KIAA1217: variants seen among roughly 807,000 people sequenced by gnomAD.
The protein encoded by KIAA1217 is sickle tail protein homolog.
KIAA1217 carries 88 observed loss-of-function variants against 163.9 expected under a neutral mutation model. The ratio of observed to expected loss-of-function variants is 0.54; its 90% CI spans 0.45 to 0.64. KIAA1217 has a LOEUF of 0.64. Ranked by LOEUF, KIAA1217 falls within the 30% of genes least tolerant of loss-of-function variation. KIAA1217 has a pLI of 0.00. For synonymous variants in KIAA1217, 903 were observed against 923.1 expected (o/e 0.98, Z 0.39); for missense variants, 2,372 against 2,475.0 (o/e 0.96, Z 0.88).
At chr10:24,035,936 G>A (rs1008621384) in intron 2 of KIAA1217, among the ~76,000 whole-genome samples, 3 of 152,206 alleles carry the variant, frequency 2.0e-5, no homozygotes, top group Non-Finnish European at 2.9e-5. Flanking sequence ...CCCAGCTATG[G>A]ATGGAAGGAG....
intron 1 of KIAA1217, among the ~76,000 whole-genome samples, chr10:23,888,465 G>T (rs981668472): frequency 5.5e-4 from 84 of 151,894 alleles, no homozygotes; most frequent in African/African-American, 2.0e-3. Context: ...TCAACTATCT[G>T]GATTTTGAAA....
chr10:24,017,342 G>A (rs1286158697), intron 2 of KIAA1217, among the ~76,000 whole-genome samples: 1 of 152,098 alleles, frequency 6.6e-6, no homozygotes, highest in Non-Finnish European at 1.5e-5. Context: ...TTGCAGGCAT[G>A]AGCCACCGTG....
chr10:24,190,742 C>A (rs1795222439), intron 2 of KIAA1217, among the ~76,000 whole-genome samples: 1 of 152,142 alleles, frequency 6.6e-6, no homozygotes, highest in Admixed American at 6.5e-5. Context: ...TTGGCACCTA[C>A]TCCAGGAAAT....
At chr10:24,196,136 A>AACACACACACACACACACACAC (rs66954103) in intron 2 of KIAA1217, among the ~76,000 whole-genome samples, 8 of 144,236 alleles carry the variant, frequency 5.5e-5, no homozygotes, top group African/African-American at 2.1e-4. Flanking sequence ...CCTGTCTCAA[A>AACACACACACACACACACACAC]ACACACACAC....
intron 1 of KIAA1217, among the ~76,000 whole-genome samples, chr10:23,712,908 G>T (rs566364574): frequency 6.6e-6 from 1 of 151,968 alleles, no homozygotes; most frequent in South Asian, 2.1e-4. Flanking sequence ...AGTTTTAATT[G>T]CCTCTTAAGA....
At chr10:24,374,950 A>G (rs55892925) in intron 2 of KIAA1217, among the ~76,000 whole-genome samples, 16,989 of 152,032 alleles carry the variant, frequency 0.11, 1,089 homozygotes, top group South Asian at 0.3. Flanking sequence ...ACACCTGGCT[A>G]ATTTTTTAAT....
chr10:23,770,830 T>A (rs1834763750), intron 1 of KIAA1217, among the ~76,000 whole-genome samples: 1 of 152,188 alleles, frequency 6.6e-6, no homozygotes, highest in Non-Finnish European at 1.5e-5. Context: ...TGGAACTCAA[T>A]GAAATGGGGG....
intron 2 of KIAA1217, chr10:24,239,188 A>T: frequency 1.0e-6 from 1 of 985,366 alleles, no homozygotes; most frequent in Non-Finnish European, 1.2e-6. Context: ...TCACTGGGAA[A>T]AACTGCAAAA....
intron 1 of KIAA1217, among the ~76,000 whole-genome samples, chr10:23,940,906 A>G (rs1351125935): frequency 2.0e-5 from 3 of 152,268 alleles, no homozygotes; most frequent in Non-Finnish European, 4.4e-5. Flanking sequence ...GACTACTGTC[A>G]TAACATTTCA....
intron 1 of KIAA1217, among the ~76,000 whole-genome samples, chr10:23,974,893 A>G (rs1199880520): frequency 6.9e-6 from 1 of 143,888 alleles, no homozygotes; most frequent in Non-Finnish European, 1.5e-5. Context: ...TCCCCCCCCC[A>G]TAGATAGGCA....
chr10:24,520,108 T>C lies in KIAA1217; in HGVS notation c.2178-15T>C, dbSNP rs2070864153. 6.2e-7 allele frequency: 1 copy of C among 1,612,866 alleles called. No individual in the cohort carries two copies. The highest frequency in any genetic ancestry group is 8.5e-7 in the Non-Finnish European group (1 of 1,179,330). ...TCGTGTTCAGCTCTATGTGCTGGTG[T>C]CCTTGCTCCCGCAGCGAGTTGGAAG... On this transcript the variant is annotated splice_polypyrimidine_tract_variant and intron_variant, in intron 10 of 20. Transcript: ENST00000376454.
At chr10:24,026,742 A>ATTTTTTTTTTTTTTTTTTTG (rs1847957115) in intron 2 of KIAA1217, among the ~76,000 whole-genome samples, 1 of 70,094 alleles carries the variant, frequency 1.4e-5, no homozygotes, top group African/African-American at 5.9e-5. Flanking sequence ...TATTTCATTG[A>ATTTTTTTTTTTTTTTTTTTG]TTTTTTTTTT....
At chr10:24,427,334 G>C (rs982058843) in intron 3 of KIAA1217, among the ~76,000 whole-genome samples, 3 of 152,020 alleles carry the variant, frequency 2.0e-5, no homozygotes, top group Admixed American at 2.0e-4. Context: ...TCAAGCAGAT[G>C]GTCAGCCTAA....
At chr10:24,461,587 C>T (rs1316633811) in intron 5 of KIAA1217, among the ~76,000 whole-genome samples, 10 of 152,108 alleles carry the variant, frequency 6.6e-5, no homozygotes, top group Admixed American at 5.9e-4. Context: ...AACTCCTGGC[C>T]TCAGGTGATC....
At chr10:24,332,194 G>C (rs2045767855) in intron 2 of KIAA1217, among the ~76,000 whole-genome samples, 1 of 152,226 alleles carries the variant, frequency 6.6e-6, no homozygotes, top group Non-Finnish European at 1.5e-5. Context: ...GGGAGAGTAA[G>C]AGAAATGAGG....
At position 24,544,063 on chromosome 10, in the gene KIAA1217, AG is replaced by A; in HGVS notation, c.4794del (p.Thr1599LeufsTer5). The part of the protein sequence containing the change: ...AIRTGTKTGK[K>X]TLQVVVYEEE... Reference sequence around the variant, plus strand: ...CGCACCGGAACTAAAACAGGGAAGAAGACTTTGCAAGTGGTAGTCTATGAAG... The same window carrying A: ...CGCACCGGAACTAAAACAGGGAAGAAACTTTGCAAGTGGTAGTCTATGAAG... On this transcript the variant is annotated frameshift_variant, in exon 19 of 21. Coordinates refer to ENST00000376454, the MANE Select transcript of KIAA1217 (RefSeq NM_019590.5). LOFTEE classifies it high-confidence loss of function. The A allele has an allele frequency of 6.2e-7, 1 of 1,614,176 alleles. No individual in the cohort carries two copies. Among genetic ancestry groups the A allele is most frequent in the Non-Finnish European group, 8.5e-7 (1 of 1,180,030 alleles).
chr10:23,939,212 G>GA (rs1229508034), intron 1 of KIAA1217, among the ~76,000 whole-genome samples: 3 of 152,182 alleles, frequency 2.0e-5, no homozygotes, highest in East Asian at 3.9e-4. Flanking sequence ...GGAACAAGTA[G>GA]AAAAAATAGC....
At chr10:23,911,476 C>A (rs542889912) in intron 1 of KIAA1217, among the ~76,000 whole-genome samples, 1 of 152,182 alleles carries the variant, frequency 6.6e-6, no homozygotes, top group Admixed American at 6.5e-5. Context: ...AGAATAGATG[C>A]TATACGAAGG....
chr10:24,387,108 G>T (rs7091640), intron 3 of KIAA1217, among the ~76,000 whole-genome samples: 60,171 of 151,978 alleles, frequency 0.4, 14,407 homozygotes, highest in African/African-American at 0.68. Flanking sequence ...CAAAAAAAGA[G>T]AATTTTAGAC....
Sources: allele counts gnomAD v4.1 joint callset (sites outside exome capture counted in the v4.1 genomes callset), GRCh38; gene constraint gnomAD v4.1.1; transcripts MANE v1.5; gene names NCBI Gene and HGNC (gene_info 2026-07-23, HGNC 2026-07-21).